The following SGCE variants were observed in gnomAD, a reference collection of about 807,000 sequenced individuals.
The protein encoded by SGCE is epsilon-sarcoglycan.
In SGCE, 26 loss-of-function variants were observed where a neutral mutation model predicts 57.8. The ratio of observed to expected loss-of-function variants is 0.45; its 90% CI spans 0.33 to 0.62. The LOEUF (loss-of-function observed/expected upper bound fraction) is 0.62, where lower values mean the gene tolerates loss of function less well. Among genes scored for constraint, SGCE ranks in the 20% least tolerant of loss-of-function variants. SGCE has a pLI of 0.02. For missense variants in SGCE, 468 were observed against 548.6 expected (o/e 0.85, Z 1.47); for synonymous variants, 183 against 189.5 (o/e 0.97, Z 0.28).
intron 1 of SGCE, among the ~76,000 whole-genome samples, chr7:94,649,033 C>T (rs925184097): frequency 5.3e-5 from 8 of 152,136 alleles, no homozygotes; most frequent in East Asian, 1.9e-4. Flanking sequence ...TTTAAATGAG[C>T]GGCTTCATTT....
At chr7:94,613,414 A>G (rs1801376319) in intron 5 of SGCE, among the ~76,000 whole-genome samples, 1 of 152,186 alleles carries the variant, frequency 6.6e-6, no homozygotes, top group Admixed American at 6.5e-5. Context: ...ACCCTAGCAC[A>G]TGTTTTCAAA....
chr7:94,649,304 G>C (rs1646228958), intron 1 of SGCE, among the ~76,000 whole-genome samples: 1 of 152,224 alleles, frequency 6.6e-6, no homozygotes, highest in Non-Finnish European at 1.5e-5. Flanking sequence ...AAACAGCACT[G>C]TAGCTTTTAC....
Position 94,603,411 on chromosome 7 carries a change from C to G in SGCE, c.704G>C (p.Cys235Ser), listed in dbSNP as rs958186178. 1.9e-6 allele frequency: 3 copies of G among 1,613,300 alleles called. No individual in the cohort carries two copies. The highest frequency in any genetic ancestry group is 2.5e-6 in the Non-Finnish European group (3 of 1,179,552). ...CTGTGGATTTTCAACTTCTCGTAAA[C>G]AAGAAGAAAACGGGACATCTGCACC... ...MVGADVPFSS[C>S]LREVENPQNQ... Residue 235 changes from cysteine to serine, a missense_variant, in exon 6 of 11, where the codon TGT becomes TCT. Transcript: ENST00000648936.
At chr7:94,653,427 C>A (rs1205902149) in intron 1 of SGCE, among the ~76,000 whole-genome samples, 1 of 152,074 alleles carries the variant, frequency 6.6e-6, no homozygotes, top group Non-Finnish European at 1.5e-5. Flanking sequence ...GCTGTATATG[C>A]AACCCTGTGC....
chr7:94,617,540 ATTACT>A (rs767555074), intron 5 of SGCE: 9 of 152,204 alleles, frequency 5.9e-5, no homozygotes, highest in Non-Finnish European at 1.3e-4. Flanking sequence ...TTCTGCTTTA[ATTACT>A]TTATAGGAAA....
chr7:94,628,083 T>G, intron 3 of SGCE, 119 bp downstream of exon 3: 1 of 742,050 alleles, frequency 1.3e-6, no homozygotes. Flanking sequence ...GCACAAAATA[T>G]TAAAAACCAC....
At chr7:94,628,028 A>C (rs1356896993) in intron 3 of SGCE, 174 bp downstream of exon 3, 6 of 561,214 alleles carry the variant, frequency 1.1e-5, no homozygotes, top group Non-Finnish European at 1.9e-5. Context: ...CTTTATAAAC[A>C]GAGAAGAATG....
At chr7:94,653,661 T>C (rs1255763770) in intron 1 of SGCE, among the ~76,000 whole-genome samples, 1 of 152,034 alleles carries the variant, frequency 6.6e-6, no homozygotes, top group Admixed American at 6.5e-5. Flanking sequence ...TTTTGTTTTT[T>C]GGATAACAAA....
At chr7:94,631,087 G>A (rs981281543) in intron 1 of SGCE, among the ~76,000 whole-genome samples, 2 of 151,876 alleles carry the variant, frequency 1.3e-5, no homozygotes, top group Admixed American at 6.6e-5. Context: ...CAGAGGGAAG[G>A]AAGCTACAAG....
intron 10 of SGCE, chr7:94,588,219 T>G: frequency 9.4e-7 from 1 of 1,069,100 alleles, no homozygotes; most frequent in Non-Finnish European, 1.1e-6. Flanking sequence ...GGTCATGTTA[T>G]AACAGCTTTT....
chr7:94,644,681 G>A, intron 1 of SGCE: 1 of 1,271,958 alleles, frequency 7.9e-7, no homozygotes, highest in Non-Finnish European at 1.0e-6. Flanking sequence ...TAAGGGGGAT[G>A]AAAGACTTTG....
intron 4 of SGCE, chr7:94,619,789 T>C (rs1291469675): frequency 6.6e-6 from 1 of 152,204 alleles, no homozygotes; most frequent in East Asian, 1.9e-4. Flanking sequence ...GCTTGTGTTT[T>C]TCATTGTACT....
At chr7:94,603,236 A>G (rs965060977) in intron 6 of SGCE, 54 bp downstream of exon 6, 7 of 1,435,104 alleles carry the variant, frequency 4.9e-6, no homozygotes, top group Non-Finnish European at 6.8e-6. Context: ...GTCAAACGTT[A>G]ACTCCAGCCA....
intron 9 of SGCE, chr7:94,590,470 A>G (rs928724256): frequency 1.3e-5 from 2 of 152,184 alleles, no homozygotes; most frequent in Admixed American, 6.5e-5. Context: ...AGCAGTAAGC[A>G]TTATAAAGTA....
At chr7:94,637,441 A>C (rs1805749314) in intron 1 of SGCE, among the ~76,000 whole-genome samples, 1 of 152,200 alleles carries the variant, frequency 6.6e-6, no homozygotes, top group Non-Finnish European at 1.5e-5. Flanking sequence ...TGATAATCGA[A>C]ACTCTTTACC....
chr7:94,587,541 G>T, intron 10 of SGCE: 3 of 1,307,450 alleles, frequency 2.3e-6, no homozygotes, highest in South Asian at 5.2e-5. Context: ...TGTGAAATTA[G>T]TGGTAGTAGG....
At chr7:94,617,783 C>T (rs1036034969) in intron 5 of SGCE, 2 of 68,832 alleles carry the variant, frequency 2.9e-5, no homozygotes, top group African/African-American at 2.1e-4. Flanking sequence ...TTTTCCCCAT[C>T]TGCCTTTTAC....
At chr7:94,634,796 C>G (rs537403020) in intron 1 of SGCE, among the ~76,000 whole-genome samples, 1 of 152,106 alleles carries the variant, frequency 6.6e-6, no homozygotes, top group Non-Finnish European at 1.5e-5. Flanking sequence ...GAGAGAGAGC[C>G]ATTACTTAAG....
At chr7:94,587,673 T>C in intron 10 of SGCE, 2 of 1,524,662 alleles carry the variant, frequency 1.3e-6, no homozygotes, top group Non-Finnish European at 1.8e-6. Context: ...ACAGTCTTGT[T>C]GAAACATGTT....
Sources: gnomAD v4.1 joint callset for allele counts (sites outside exome capture counted in the v4.1 genomes callset) on GRCh38, gnomAD v4.1.1 for gene constraint, MANE v1.5 for transcripts, NCBI Gene and HGNC (gene_info 2026-07-23, HGNC 2026-07-21) for gene names.